EEF1A2: variants seen among roughly 807,000 people sequenced by gnomAD.
EEF1A2 encodes the protein eukaryotic translation elongation factor 1 alpha 2.
In EEF1A2, 5 loss-of-function variants were observed where a neutral mutation model predicts 39.3. That is an observed-to-expected ratio of 0.13 (90% CI 0.07 to 0.27). EEF1A2 has a LOEUF of 0.27. Ranked by LOEUF, EEF1A2 falls within the 10% of genes least tolerant of loss-of-function variation. The pLI, the probability that EEF1A2 is intolerant of heterozygous loss-of-function variation, is 1.00. For missense variants in EEF1A2, 218 were observed against 681.4 expected (o/e 0.32, Z 7.57); for synonymous variants, 287 against 293.7 (o/e 0.98, Z 0.23).
At chr20:63,489,295 C>G in intron 6 of EEF1A2, 143 bp from the exon 7 acceptor site, 4 of 728,240 alleles carry the variant, frequency 5.5e-6, no homozygotes, top group Non-Finnish European at 6.6e-6. Context: ...GGCTCAGGCT[C>G]TGAGGACCCA....
In EEF1A2 at chr20:63,488,847, G is replaced by A. The variant is rs1236763595; in HGVS notation, c.1264+71C>T. The stretch of plus-strand genomic sequence containing the variant: ...CTGCTGTCCCCAGCGCCCCATCCCC[G>A]CAGTCCTCTGCCCTCAGCCTGGATC... On this transcript the variant is annotated intron_variant, in intron 7 of 7. Coordinates refer to ENST00000217182, the MANE Select transcript of EEF1A2 (RefSeq NM_001958.5). 40 of 1,521,176 alleles carry A rather than the reference G, an allele frequency of 2.6e-5. No individual in the cohort carries two copies. In the East Asian group the frequency reaches 3.0e-4, roughly 11 times the overall value. The allele number at this position is 1,521,176 out of a possible 1,614,324, so 94.2% of individuals were successfully genotyped here.
chr20:63,496,453 C>CTG (rs201333819), intron 2 of EEF1A2: 9 of 188,392 alleles, frequency 4.8e-5, no homozygotes, highest in East Asian at 1.5e-4. Flanking sequence ...AAATAACCCT[C>CTG]TGTGTGTGTG....
chr20:63,488,341 T>C lies in EEF1A2; in HGVS notation c.1349A>G (p.Lys450Arg). The change falls in exon 8 of 8, where the codon AAG becomes AGG. Residue 450 changes from lysine to arginine, a missense_variant. Lys to Arg is a conservative substitution (Grantham distance 26, BLOSUM62 2). Transcript: ENST00000217182. ...NVEKKSGGAG[K>R]VTKSAQKAQK... The stretch of plus-strand genomic sequence containing the variant: ...CGCCTTCTGCGCCGACTTGGTGACC[T>C]TGCCGGCGCCGCCGCTCTTCTTCTC... 6.8e-7 allele frequency: 1 copy of C among 1,462,924 alleles called. No homozygotes were observed. The highest frequency in any genetic ancestry group is 9.0e-7 in the Non-Finnish European group (1 of 1,107,340). 90.6% of individuals were successfully genotyped at this position (1,462,924 alleles called of 1,614,324 possible). A position where few individuals can be genotyped will look rare whatever the true frequency, so the allele number is the denominator to read the frequency against.
intron 2 of EEF1A2, chr20:63,496,313 A>G (rs2082416789): frequency 1.4e-5 from 7 of 488,862 alleles, no homozygotes; most frequent in Non-Finnish European, 2.6e-5. Flanking sequence ...CGCTCGCTCT[A>G]CGAGCGAAGC....
intron 2 of EEF1A2, chr20:63,496,423 C>T (rs149869562): frequency 4.8e-4 from 108 of 225,920 alleles, no homozygotes; most frequent in African/African-American, 2.2e-3. Flanking sequence ...ATAATACCAC[C>T]GTGTTTGGGG....
At chr20:63,491,231 C>T (rs1462398570) in intron 5 of EEF1A2, among the ~76,000 whole-genome samples, 2 of 88,192 alleles carry the variant, frequency 2.3e-5, no homozygotes, top group Admixed American at 1.1e-4. Flanking sequence ...CCTGCAGGCT[C>T]TCTGGGCCCC....
In EEF1A2 at chr20:63,497,513, A is replaced by G. The variant is rs189891068; in HGVS notation, c.144+107T>C. ...GCGGGGGTCCCTCCTGCCCTGGAGG[A>G]GGTCACCTGAGCCCCATGCCCTGGG... On this transcript the variant is annotated intron_variant, in intron 2 of 7. Coordinates refer to ENST00000217182, the MANE Select transcript of EEF1A2 (RefSeq NM_001958.5). This position sits in a 1 kb window ranked among gnomAD's most constrained non-coding sequence, Gnocchi z 7.3. 19 of 1,497,492 alleles carry G rather than the reference A, an allele frequency of 1.3e-5. No individual in the cohort carries two copies. In the Admixed American group the frequency reaches 3.9e-4, roughly 31 times the overall value. The allele number at this position is 1,497,492 out of a possible 1,614,324, so 92.8% of individuals were successfully genotyped here. A position where few individuals can be genotyped will look rare whatever the true frequency, so the allele number is the denominator to read the frequency against.
At chr20:63,494,536 C>T (rs1367344281) in intron 4 of EEF1A2, among the ~76,000 whole-genome samples, 3 of 152,246 alleles carry the variant, frequency 2.0e-5, no homozygotes, top group Admixed American at 6.5e-5. Flanking sequence ...TGCTGGAGGC[C>T]GCTGCCCCTG....
intron 2 of EEF1A2, chr20:63,496,574 C>T (rs1236737621): frequency 1.9e-5 from 3 of 154,104 alleles, no homozygotes; most frequent in African/African-American, 7.2e-5. Context: ...GGCTTCTCCT[C>T]CCCTTCCTCG....
Position 63,488,427 on chromosome 20 carries a change from T to TG in EEF1A2, c.1265-3dup. 4.2e-6 allele frequency: 6 copies of TG among 1,430,158 alleles called. 1 individual carries two copies. Among genetic ancestry groups the TG allele is most frequent in the Admixed American group, 2.7e-5 (1 of 36,410 alleles). The allele number at this position is 1,430,158 out of a possible 1,614,324, so 88.6% of individuals were successfully genotyped here. A position where few individuals can be genotyped will look rare whatever the true frequency, so the allele number is the denominator to read the frequency against. ...TCATGTCGCGCACGGCGAAGCGGCC[T>TG]GGGGGGCGGGGGGCGGCGTGTGGGC... On this transcript the variant is annotated splice_polypyrimidine_tract_variant and splice_region_variant and intron_variant, in intron 7 of 7. Coordinates refer to ENST00000217182, the MANE Select transcript of EEF1A2 (RefSeq NM_001958.5).
intron 5 of EEF1A2, among the ~76,000 whole-genome samples, chr20:63,492,466 AT>A (rs2082390920): frequency 9.7e-5 from 14 of 143,916 alleles, no homozygotes; most frequent in South Asian, 4.4e-4. Context: ...GGATGGATGG[AT>A]GGAGAGATGG....
chr20:63,488,555 C>A, intron 7 of EEF1A2, 130 bp from the exon 8 acceptor site: 2 of 1,233,628 alleles, frequency 1.6e-6, no homozygotes, highest in Non-Finnish European at 2.1e-6. Flanking sequence ...AGAGCGCGCC[C>A]CTGTGAAGAC....
chr20:63,490,393 G>A, intron 6 of EEF1A2, 86 bp downstream of exon 6: 5 of 1,510,280 alleles, frequency 3.3e-6, no homozygotes, highest in Non-Finnish European at 3.6e-6. Flanking sequence ...CCCACGCCAG[G>A]CCACCTGCCG....
intron 3 of EEF1A2, 49 bp from the exon 4 acceptor site, chr20:63,495,150 G>T (rs758520737): frequency 4.4e-6 from 7 of 1,584,088 alleles, no homozygotes; most frequent in Non-Finnish European, 6.0e-6. Flanking sequence ...CCTGGCAGGG[G>T]ACAGAGCGAG....
chr20:63,493,654 T>G (rs2082402440), intron 4 of EEF1A2, among the ~76,000 whole-genome samples: 1 of 152,192 alleles, frequency 6.6e-6, no homozygotes, highest in South Asian at 2.1e-4. Flanking sequence ...ATGCTGAGTC[T>G]GGCCAAGGGC....
chr20:63,488,539 T>C, intron 7 of EEF1A2, 114 bp from the exon 8 acceptor site: 1 of 1,279,620 alleles, frequency 7.8e-7, no homozygotes, highest in Non-Finnish European at 1.0e-6. Flanking sequence ...GGAACACGCT[T>C]AGCGCAGAGC....
intron 5 of EEF1A2, among the ~76,000 whole-genome samples, chr20:63,492,516 AGGTGG>A (rs2082391907): frequency 8.0e-6 from 1 of 125,464 alleles, no homozygotes; most frequent in African/African-American, 3.1e-5. Context: ...ATGGGTGGGG[AGGTGG>A]ATGGATGGAT....
At position 63,497,466 on chromosome 20, in the gene EEF1A2, T is replaced by A; in HGVS notation, c.144+154A>T. On this transcript the variant is annotated intron_variant, in intron 2 of 7. Coordinates refer to ENST00000217182, the MANE Select transcript of EEF1A2 (RefSeq NM_001958.5). This position sits in a 1 kb window ranked among gnomAD's most constrained non-coding sequence, Gnocchi z 7.3. ...AGAGAGAGGCTGCCCCACCAGACCC[T>A]CTGAGGCCTGAGTGCCCCACAGCGG... is the stretch of plus-strand genomic sequence containing the variant. 3 of 1,244,338 alleles carry A rather than the reference T, an allele frequency of 2.4e-6. No individual in the cohort carries two copies. In the East Asian group the frequency reaches 7.6e-5, roughly 32 times the overall value. The allele number at this position is 1,244,338 out of a possible 1,614,324, so 77.1% of individuals were successfully genotyped here. A position where few individuals can be genotyped will look rare whatever the true frequency, so the allele number is the denominator to read the frequency against.
Position 63,497,003 on chromosome 20 carries a change from C to A in EEF1A2, c.144+617G>T, listed in dbSNP as rs554887189. On this transcript the variant is annotated intron_variant, in intron 2 of 7. Transcript: ENST00000217182. The surrounding 1 kb of genome is among the most constrained non-coding windows in gnomAD (Gnocchi z 7.3). ...CCAGGAGTGGGCTTCTCCCCAGAGT[C>A]CTGGGTGGGGGATGGGGATCAGAGA... 6.6e-6 allele frequency: 1 copy of A among 152,524 alleles called. No individual in the cohort carries two copies. The highest frequency in any genetic ancestry group is 2.4e-5 in the African/African-American group (1 of 41,556). The allele number at this position is 152,524 out of a possible 1,614,324, so 9.4% of individuals were successfully genotyped here.
Sources: allele counts gnomAD v4.1 joint callset (sites outside exome capture counted in the v4.1 genomes callset), GRCh38; gene constraint gnomAD v4.1.1; non-coding constraint Gnocchi (gnomAD v3.1); transcripts MANE v1.5; gene names NCBI Gene and HGNC (gene_info 2026-07-23, HGNC 2026-07-21).